The following CSMD1 variants were observed in gnomAD, a reference collection of about 807,000 sequenced individuals.
CSMD1 encodes CUB and sushi domain-containing protein 1.
Under a neutral mutation model 417.5 loss-of-function variants are expected in CSMD1, and 213 were observed. That is an observed-to-expected ratio of 0.51 (90% CI 0.46 to 0.57). The LOEUF (loss-of-function observed/expected upper bound fraction) is 0.57, where lower values mean the gene tolerates loss of function less well. Ranked by LOEUF, CSMD1 falls within the 20% of genes least tolerant of loss-of-function variation. The pLI, the probability that CSMD1 is intolerant of heterozygous loss-of-function variation, is 0.00. For synonymous variants in CSMD1, 2,862 were observed against 1,736.8 expected (o/e 1.65, Z -16.11); for missense variants, 6,923 against 4,529.7 (o/e 1.53, Z -15.17).
intron 3 of CSMD1, among the ~76,000 whole-genome samples, chr8:4,153,126 T>C (rs1194969321): frequency 6.6e-6 from 1 of 152,196 alleles, no homozygotes; most frequent in African/African-American, 2.4e-5. Context: ...AATGGCAATG[T>C]TGTATTGAAT....
At chr8:4,249,603 G>T (rs1035933240) in intron 3 of CSMD1, among the ~76,000 whole-genome samples, 2 of 152,156 alleles carry the variant, frequency 1.3e-5, no homozygotes, top group East Asian at 1.9e-4. Context: ...AGAGAATGGT[G>T]TTAAGAAATG....
chr8:3,681,334 A>G (rs1398248941), intron 7 of CSMD1, among the ~76,000 whole-genome samples: 11 of 152,230 alleles, frequency 7.2e-5, no homozygotes, highest in Non-Finnish European at 4.4e-5. Context: ...AAGCAACTTC[A>G]GCAAAGTCTC....
intron 8 of CSMD1, among the ~76,000 whole-genome samples, chr8:3,610,983 A>G (rs1444933567): frequency 6.6e-6 from 1 of 150,648 alleles, no homozygotes; most frequent in African/African-American, 2.4e-5. Context: ...GTGCAGTGTC[A>G]CTTAAACCAA....
chr8:4,051,485 T>C (rs1430664951), intron 3 of CSMD1, among the ~76,000 whole-genome samples: 2 of 152,168 alleles, frequency 1.3e-5, no homozygotes, highest in African/African-American at 4.8e-5. Flanking sequence ...GAATGCACCA[T>C]TGTTGTTATT....
At chr8:4,438,793 C>G (rs1011483021) in intron 2 of CSMD1, among the ~76,000 whole-genome samples, 1 of 152,154 alleles carries the variant, frequency 6.6e-6, no homozygotes, top group Non-Finnish European at 1.5e-5. Flanking sequence ...CTTGAAGGAT[C>G]AAAAGATTTG....
chr8:3,740,458 G>A (rs1796740515), intron 6 of CSMD1, among the ~76,000 whole-genome samples: 1 of 152,204 alleles, frequency 6.6e-6, no homozygotes, highest in South Asian at 2.1e-4. Context: ...TTTTGCAGGA[G>A]AACTCAGAAG....
At chr8:4,408,499 T>C (rs1471061463) in intron 3 of CSMD1, among the ~76,000 whole-genome samples, 1 of 152,238 alleles carries the variant, frequency 6.6e-6, no homozygotes, top group East Asian at 1.9e-4. Context: ...TTTACTTCTT[T>C]ATCTCAAGCT....
At chr8:4,346,435 T>A (rs759015386) in intron 3 of CSMD1, among the ~76,000 whole-genome samples, 9 of 152,124 alleles carry the variant, frequency 5.9e-5, no homozygotes, top group Non-Finnish European at 1.3e-4. Flanking sequence ...ACACAGTATC[T>A]GGCCCTTTAA....
chr8:3,986,492 A>C (rs141466969), intron 5 of CSMD1, among the ~76,000 whole-genome samples: 2 of 152,182 alleles, frequency 1.3e-5, no homozygotes, highest in African/African-American at 2.4e-5. Context: ...TTCCCTGGCT[A>C]CCAAAAGCAA....
At chr8:4,441,898 A>G (rs1798504624) in intron 2 of CSMD1, among the ~76,000 whole-genome samples, 1 of 152,228 alleles carries the variant, frequency 6.6e-6, no homozygotes, top group African/African-American at 2.4e-5. Flanking sequence ...CTACAATTTT[A>G]GGAAATTCCT....
intron 1 of CSMD1, among the ~76,000 whole-genome samples, chr8:4,898,217 G>T (rs142004377): frequency 6.6e-6 from 1 of 152,078 alleles, no homozygotes; most frequent in Non-Finnish European, 1.5e-5. Flanking sequence ...TGATTAAAAC[G>T]CACACATGAA....
intron 49 of CSMD1, among the ~76,000 whole-genome samples, chr8:3,081,907 T>A (rs1814130790): frequency 6.6e-6 from 1 of 152,196 alleles, no homozygotes; most frequent in Non-Finnish European, 1.5e-5. Context: ...GGGGACAGCT[T>A]GCCCCGTGGA....
chr8:3,379,530 G>C (rs1448159829), intron 18 of CSMD1, among the ~76,000 whole-genome samples: 1 of 152,124 alleles, frequency 6.6e-6, no homozygotes, highest in African/African-American at 2.4e-5. Context: ...AAACAGCAAG[G>C]TACTGGTACC....
intron 3 of CSMD1, among the ~76,000 whole-genome samples, chr8:4,205,171 G>A (rs1335162048): frequency 6.6e-6 from 1 of 152,124 alleles, no homozygotes; most frequent in Non-Finnish European, 1.5e-5. Flanking sequence ...AGAAAACTGG[G>A]TGAAGAAACA....
intron 1 of CSMD1, among the ~76,000 whole-genome samples, chr8:4,644,457 A>C (rs1486961959): frequency 6.6e-6 from 1 of 152,098 alleles, no homozygotes; most frequent in Non-Finnish European, 1.5e-5. Flanking sequence ...ACCAGGCTAG[A>C]GTGCAGCGGC....
intron 11 of CSMD1, among the ~76,000 whole-genome samples, chr8:3,470,672 C>A (rs992166977): frequency 6.6e-6 from 1 of 152,094 alleles, no homozygotes; most frequent in Non-Finnish European, 1.5e-5. Context: ...CACTCATGCC[C>A]CTCTTGCTAC....
In CSMD1 at chr8:3,268,858, A is replaced by G. The variant is rs1454396181; in HGVS notation, c.4153+15286T>C. Among the ~76,000 whole-genome samples, 3 of 152,224 alleles carry G rather than the reference A, an allele frequency of 2.0e-5. No homozygotes were observed. In the Middle Eastern group the frequency reaches 0.01, roughly 518 times the overall value. On this transcript the variant is annotated intron_variant, in intron 26 of 69. Coordinates refer to ENST00000635120, the MANE Select transcript of CSMD1 (RefSeq NM_033225.6). ...ATGACTGTTGCCTGAGGTATGGACA[A>G]ACACCCTTCCAACATGAGCTGGATT...
At chr8:3,049,872 T>C (rs1219887563) in intron 50 of CSMD1, among the ~76,000 whole-genome samples, 4 of 152,100 alleles carry the variant, frequency 2.6e-5, no homozygotes, top group Non-Finnish European at 5.9e-5. Flanking sequence ...GCGGACGGTG[T>C]GTTTTATGGG....
intron 1 of CSMD1, among the ~76,000 whole-genome samples, chr8:4,860,857 G>A (rs999246461): frequency 6.6e-6 from 1 of 152,100 alleles, no homozygotes; most frequent in Non-Finnish European, 1.5e-5. Flanking sequence ...GCGTAAAAAC[G>A]TTCACATCCC....
Sources: gnomAD v4.1 joint callset for allele counts (sites outside exome capture counted in the v4.1 genomes callset) on GRCh38, gnomAD v4.1.1 for gene constraint, MANE v1.5 for transcripts, NCBI Gene and HGNC (gene_info 2026-07-23, HGNC 2026-07-21) for gene names.